NAP1L4: variants seen among roughly 807,000 people sequenced by gnomAD.
NAP1L4 encodes nucleosome assembly protein 1 like 4.
A neutral mutation model predicts 58.2 loss-of-function variants in NAP1L4; 15 were observed. The observed-to-expected ratio is 0.26, with a 90% CI of 0.17 to 0.40. The LOEUF is 0.40. NAP1L4 is among the 10% of genes least tolerant of loss of function. The pLI is 1.00. For synonymous variants in NAP1L4, 171 were observed against 155.6 expected, an observed-to-expected ratio of 1.10 and a Z score of -0.74; for missense variants, 384 against 451.1, an observed-to-expected ratio of 0.85 and a Z score of 1.35.
rs1845891398 is a variant in NAP1L4 at position 2,945,481 on chromosome 11, C to T, written c.*198G>A. 1.3e-6 allele frequency: 1 copy of T among 757,650 alleles called. No homozygotes were observed. The highest frequency in any genetic ancestry group is 2.1e-6 in the Non-Finnish European group (1 of 483,030). The allele number at this position is 757,650 out of a possible 1,614,324, so 46.9% of individuals were successfully genotyped here. A position where few individuals can be genotyped will look rare whatever the true frequency, so the allele number is the denominator to read the frequency against. On this transcript the variant is annotated 3_prime_UTR_variant, in exon 16 of 16. Coordinates refer to ENST00000380542, the MANE Select transcript of NAP1L4 (RefSeq NM_005969.4). ...AAAAAGGAAAAGTGAAAGTGAAAAT[C>T]ATGCACTTGAAAACGAGTTAGATGG...
rs186884531 is a variant in NAP1L4, at chr11:2,971,693, A to C, written c.316-159T>G. 6.8e-4 allele frequency among the ~76,000 whole-genome samples: 103 copies of C among 152,340 alleles called. No individual in the cohort carries two copies. The highest frequency in any genetic ancestry group is 1.5e-4 in the Non-Finnish European group (10 of 68,032). ...TTTTAGGGTTCAAAGAAAAATATTA[A>C]ATGATTCCCTGGGTAAACCTGGATG... On this transcript the variant is annotated intron_variant, in intron 5 of 15. Coordinates refer to ENST00000380542, the MANE Select transcript of NAP1L4 (RefSeq NM_005969.4). The surrounding 1 kb of genome is among the most constrained non-coding windows in gnomAD (Gnocchi z 4.2).
chr11:2,987,809 A>G (rs1397197278), intron 1 of NAP1L4, among the ~76,000 whole-genome samples: 1 of 151,906 alleles, frequency 6.6e-6, no homozygotes, highest in Non-Finnish European at 1.5e-5. Context: ...CCCACTAAAG[A>G]ACAAGTTCCA....
chr11:2,968,780 G>C (rs1233266768), intron 7 of NAP1L4, among the ~76,000 whole-genome samples: 2 of 152,178 alleles, frequency 1.3e-5, no homozygotes, highest in South Asian at 4.1e-4. Context: ...GCTGTTTCTG[G>C]GGACGCTGGA....
chr11:2,971,373 T>C lies in NAP1L4; in HGVS notation c.402+75A>G, dbSNP rs1370585596. The C allele has an allele frequency of 6.0e-6, 8 of 1,338,116 alleles. No individual in the cohort carries two copies. The highest frequency in any genetic ancestry group is 5.8e-5 in the African/African-American group (4 of 68,494). 82.9% of individuals were successfully genotyped at this position (1,338,116 alleles called of 1,614,324 possible). ...TAGAAGCACATAAGTTTACTAGTCA[T>C]TAAAAATCATTAAAAAATGCTTATT... On this transcript the variant is annotated intron_variant, in intron 6 of 15. Coordinates refer to ENST00000380542, the MANE Select transcript of NAP1L4 (RefSeq NM_005969.4). This position sits in a 1 kb window ranked among gnomAD's most constrained non-coding sequence, Gnocchi z 4.2.
intron 1 of NAP1L4, among the ~76,000 whole-genome samples, chr11:2,987,341 C>A (rs1183006051): frequency 6.6e-6 from 1 of 151,698 alleles, no homozygotes; most frequent in Non-Finnish European, 1.5e-5. Flanking sequence ...CTCGCTCTGT[C>A]ACCCAAGGCG....
At chr11:2,977,708 T>C (rs74791313) in intron 3 of NAP1L4, among the ~76,000 whole-genome samples, 1,889 of 152,008 alleles carry the variant, frequency 0.012, 16 homozygotes, top group Non-Finnish European at 0.02. Flanking sequence ...TTTAGGAAAA[T>C]AGATATCCAC....
intron 1 of NAP1L4, among the ~76,000 whole-genome samples, chr11:2,986,948 T>C (rs1373560558): frequency 2.6e-5 from 4 of 151,780 alleles, no homozygotes; most frequent in Non-Finnish European, 4.4e-5. Flanking sequence ...TAAAGCACAA[T>C]TGCTTGGCCC....
chr11:2,960,086 G>C, intron 8 of NAP1L4, 177 bp from the exon 9 acceptor site: 1 of 618,334 alleles, frequency 1.6e-6, no homozygotes, highest in Non-Finnish European at 2.8e-6. Context: ...AAAAACCAAC[G>C]ATGGACTGGC....
chr11:2,973,157 G>GA (rs1216823736), intron 4 of NAP1L4, among the ~76,000 whole-genome samples: 12 of 152,178 alleles, frequency 7.9e-5, no homozygotes, highest in African/African-American at 2.7e-4. Context: ...CACACTGGAG[G>GA]AAAAAATCTG....
At chr11:2,957,766 G>A (rs1846630877) in intron 10 of NAP1L4, among the ~76,000 whole-genome samples, 1 of 152,096 alleles carries the variant, frequency 6.6e-6, no homozygotes, top group Admixed American at 6.6e-5. Flanking sequence ...ACAAAAAGAA[G>A]CAGCTTCCAA....
At chr11:2,976,697 C>G (rs1042142813) in intron 3 of NAP1L4, among the ~76,000 whole-genome samples, 1 of 152,206 alleles carries the variant, frequency 6.6e-6, no homozygotes, top group African/African-American at 2.4e-5. Context: ...CACTTCTGAC[C>G]ATTCCACCCC....
chr11:2,968,270 A>C (rs571840207), intron 7 of NAP1L4, among the ~76,000 whole-genome samples: 1 of 152,294 alleles, frequency 6.6e-6, no homozygotes, highest in East Asian at 1.9e-4. Flanking sequence ...TGCCATGGTG[A>C]CAGATGAGGC....
intron 4 of NAP1L4, 121 bp downstream of exon 4, chr11:2,975,903 A>T: frequency 1.2e-6 from 1 of 867,544 alleles, no homozygotes; most frequent in South Asian, 1.8e-5. Flanking sequence ...TGTCTCTCAT[A>T]GACAATGTCT....
At chr11:2,979,585 C>T (rs1352237019) in intron 1 of NAP1L4, among the ~76,000 whole-genome samples, 1 of 152,078 alleles carries the variant, frequency 6.6e-6, no homozygotes, top group South Asian at 2.1e-4. Flanking sequence ...CCGGCCTGAC[C>T]AACATGGTGA....
intron 8 of NAP1L4, among the ~76,000 whole-genome samples, chr11:2,962,569 C>A (rs1314839358): frequency 6.6e-6 from 1 of 152,144 alleles, no homozygotes. Flanking sequence ...GGGAAATTCA[C>A]TAAGCTGCTG....
rs910190457 is a variant in NAP1L4 at position 2,971,960 on chromosome 11, T to C, written c.315+142A>G. On this transcript the variant is annotated intron_variant, in intron 5 of 15. Transcript: ENST00000380542. This position sits in a 1 kb window ranked among gnomAD's most constrained non-coding sequence, Gnocchi z 4.2. Reference sequence around the variant, plus strand: ...CTAATGTTAGCGTTCTGAGCTTGTTTAAGGTAGTCTAGACTAAGCTATGTT... The same window carrying C: ...CTAATGTTAGCGTTCTGAGCTTGTTCAAGGTAGTCTAGACTAAGCTATGTT... 5.0e-6 allele frequency: 4 copies of C among 803,576 alleles called. No homozygotes were observed. The highest frequency in any genetic ancestry group is 5.5e-6 in the Non-Finnish European group (3 of 545,932). The allele number at this position is 803,576 out of a possible 1,614,324, so 49.8% of individuals were successfully genotyped here. A position where few individuals can be genotyped will look rare whatever the true frequency, so the allele number is the denominator to read the frequency against.
At position 2,951,790 on chromosome 11, in the gene NAP1L4, CCTT is replaced by C; in HGVS notation, c.1052_1054del (p.Glu351del). The C allele has an allele frequency of 6.2e-7, 1 of 1,614,130 alleles. No individual in the cohort carries two copies. Among genetic ancestry groups the C allele is most frequent in the East Asian group, 2.2e-5 (1 of 44,892 alleles). On this transcript the variant is annotated inframe_deletion, in exon 13 of 16. Coordinates refer to ENST00000380542, the MANE Select transcript of NAP1L4 (RefSeq NM_005969.4). The surrounding 1 kb of genome is among the most constrained non-coding windows in gnomAD (Gnocchi z 4.0). ...AAACCTGTCTCTTACCTCCTCTTCTCCTTCTTCACCTTCTTCAAACTGGAGAAA... is the reference window on the plus strand; with the variant it reads ...AAACCTGTCTCTTACCTCCTCTTCTCCTTCACCTTCTTCAAACTGGAGAAA...
chr11:2,952,251 G>C (rs571033802), intron 12 of NAP1L4: 1 of 172,926 alleles, frequency 5.8e-6, no homozygotes, highest in East Asian at 1.6e-4. Context: ...TCATACAAAG[G>C]GAAAAGAAAC....
In NAP1L4 at chr11:2,960,125, G is replaced by C. The variant is rs931616914; in HGVS notation, c.607-216C>G. 1.2e-4 allele frequency: 59 copies of C among 506,328 alleles called. 1 individual carries two copies. The highest frequency in any genetic ancestry group is 1.1e-3 in the African/African-American group (55 of 52,298). 31.4% of individuals were successfully genotyped at this position (506,328 alleles called of 1,614,324 possible). On this transcript the variant is annotated intron_variant, in intron 8 of 15. Transcript: ENST00000380542. Reference sequence around the variant, plus strand: ...AAATATCTGTTCAGTTCATGAGTAAGGGGCATGTTCCCCCTCCAATGCCTC... The same window carrying C: ...AAATATCTGTTCAGTTCATGAGTAACGGGCATGTTCCCCCTCCAATGCCTC...
Sources: allele counts gnomAD v4.1 joint callset (sites outside exome capture counted in the v4.1 genomes callset), GRCh38; gene constraint gnomAD v4.1.1; non-coding constraint Gnocchi (gnomAD v3.1); transcripts MANE v1.5; gene names NCBI Gene and HGNC (gene_info 2026-07-23, HGNC 2026-07-21).